CACNA2D3: variants seen among roughly 807,000 people sequenced by gnomAD.
CACNA2D3 encodes voltage-dependent calcium channel subunit alpha-2/delta-3.
A neutral mutation model predicts 160.6 loss-of-function variants in CACNA2D3; 60 were observed. That is an observed-to-expected ratio of 0.37 (90% CI 0.30 to 0.46). The LOEUF is 0.46. Ranked by LOEUF, CACNA2D3 falls within the 20% of genes least tolerant of loss-of-function variation. The pLI, the probability that CACNA2D3 is intolerant of heterozygous loss-of-function variation, is 1.00. For missense variants in CACNA2D3, 1,205 were observed against 1,365.0 expected, an observed-to-expected ratio of 0.88 and a Z score of 1.85; for synonymous variants, 558 against 492.9, an observed-to-expected ratio of 1.13 and a Z score of -1.75.
intron 35 of CACNA2D3, among the ~76,000 whole-genome samples, chr3:55,025,634 CAAAAAA>C (rs10717273): frequency 0.026 from 1,665 of 63,474 alleles, 43 homozygotes; most frequent in African/African-American, 0.098. Context: ...ACTCTATCTC[CAAAAAA>C]AAAAAAAAAA....
chr3:54,893,809 A>G (rs1376860025), intron 25 of CACNA2D3, among the ~76,000 whole-genome samples: 2 of 152,024 alleles, frequency 1.3e-5, no homozygotes, highest in African/African-American at 4.8e-5. Flanking sequence ...CTTCAGTACG[A>G]CTTCTCACAT....
chr3:54,938,723 A>G (rs1479542286), intron 27 of CACNA2D3, among the ~76,000 whole-genome samples: 1 of 150,548 alleles, frequency 6.6e-6, no homozygotes, highest in Non-Finnish European at 1.5e-5. Context: ...TTTTATTTTT[A>G]AAAACGTCTT....
At chr3:54,514,722 G>A (rs1302867055) in intron 5 of CACNA2D3, among the ~76,000 whole-genome samples, 1 of 152,166 alleles carries the variant, frequency 6.6e-6, no homozygotes, top group Non-Finnish European at 1.5e-5. Flanking sequence ...AGGACACTTA[G>A]GCCCGCTGCC....
chr3:54,688,211 T>A (rs1436751009), intron 11 of CACNA2D3, among the ~76,000 whole-genome samples: 2 of 152,228 alleles, frequency 1.3e-5, no homozygotes, highest in African/African-American at 4.8e-5. Flanking sequence ...TTTCTTACTT[T>A]GTATTAATTG....
At chr3:54,155,142 A>G (rs1700223585) in intron 2 of CACNA2D3, among the ~76,000 whole-genome samples, 1 of 152,174 alleles carries the variant, frequency 6.6e-6, no homozygotes, top group Non-Finnish European at 1.5e-5. Context: ...AACATTGGAA[A>G]AGTGGTTATA....
At position 55,033,820 on chromosome 3, in the gene CACNA2D3, A is replaced by ATATATTTAATATATAATATATATTAC. The variant is rs1703745559; in HGVS notation, c.2987+15503_2987+15504insTATATTTAATATATAATATATATTAC. On this transcript the variant is annotated intron_variant, in intron 35 of 37. Coordinates refer to ENST00000474759, the MANE Select transcript of CACNA2D3 (RefSeq NM_018398.3). ...TTTATATAATATGTATTATATATTA[A>ATATATTTAATATATAATATATATTAC]ATATATTTAATATATAATATATATT... Among the ~76,000 whole-genome samples the ATATATTTAATATATAATATATATTAC allele has an allele frequency of 2.9e-5, 3 of 102,384 alleles. 1 individual carries two copies. The South Asian group carries it at 8.1e-4, about 28-fold the overall frequency. The allele number at this position is 102,384 out of a possible 152,430, so 67.2% of individuals were successfully genotyped here. A position where few individuals can be genotyped will look rare whatever the true frequency, so the allele number is the denominator to read the frequency against.
At chr3:54,748,146 A>G (rs1339003494) in intron 11 of CACNA2D3, among the ~76,000 whole-genome samples, 1 of 152,128 alleles carries the variant, frequency 6.6e-6, no homozygotes, top group Non-Finnish European at 1.5e-5. Context: ...TTTCTTCATT[A>G]TTGAAGGGAG....
chr3:54,911,105 A>G (rs574361832), intron 27 of CACNA2D3, among the ~76,000 whole-genome samples: 13 of 152,312 alleles, frequency 8.5e-5, no homozygotes, highest in African/African-American at 3.1e-4. Context: ...TCATTCATAA[A>G]TACGTCAGCC....
At chr3:54,493,968 TACTC>T (rs1701157352) in intron 4 of CACNA2D3, among the ~76,000 whole-genome samples, 1 of 152,254 alleles carries the variant, frequency 6.6e-6, no homozygotes, top group African/African-American at 2.4e-5. Flanking sequence ...TTTAAATACT[TACTC>T]ATTGAACCAC....
rs540768895 is a variant in CACNA2D3, at chr3:55,004,851, C to G, written c.2766+13C>G. 1 of 1,596,402 alleles carries G rather than the reference C, an allele frequency of 6.3e-7. No homozygotes were observed. The highest frequency in any genetic ancestry group is 8.6e-7 in the Non-Finnish European group (1 of 1,164,282). ...TGGCCTCCTGGATGTAAGTACTATG[C>G]TGTCACTCAGAAAACAGCCACACAT... is the stretch of plus-strand genomic sequence containing the variant. On this transcript the variant is annotated intron_variant, in intron 32 of 37. Transcript: ENST00000474759.
intron 18 of CACNA2D3, among the ~76,000 whole-genome samples, chr3:54,878,176 G>A (rs910073260): frequency 2.0e-5 from 3 of 152,122 alleles, no homozygotes; most frequent in African/African-American, 7.2e-5. Context: ...CTCCTCAAAG[G>A]AGAAAAGAGG....
At chr3:54,209,233 G>A (rs764082932) in intron 2 of CACNA2D3, among the ~76,000 whole-genome samples, 13 of 152,174 alleles carry the variant, frequency 8.5e-5, no homozygotes, top group Non-Finnish European at 1.5e-4. Context: ...TTCAAGATAG[G>A]CATCGAAATA....
intron 4 of CACNA2D3, among the ~76,000 whole-genome samples, chr3:54,431,832 TC>T (rs1396441204): frequency 6.6e-6 from 1 of 152,136 alleles, no homozygotes; most frequent in Non-Finnish European, 1.5e-5. Context: ...GGTCTCGAAC[TC>T]CTGTCCTCAA....
chr3:54,629,086 G>A (rs1699180920), intron 10 of CACNA2D3, among the ~76,000 whole-genome samples: 1 of 152,024 alleles, frequency 6.6e-6, no homozygotes, highest in African/African-American at 2.4e-5. Context: ...GAGAGCTGTG[G>A]TTTGCAGGAA....
chr3:54,905,944 G>A (rs78139354), intron 27 of CACNA2D3, among the ~76,000 whole-genome samples: 16,919 of 152,078 alleles, frequency 0.11, 1,054 homozygotes, highest in African/African-American at 0.14. Flanking sequence ...TGCACCTACA[G>A]TGTTCCTAGC....
intron 13 of CACNA2D3, among the ~76,000 whole-genome samples, chr3:54,802,180 G>A (rs1355593643): frequency 6.6e-6 from 1 of 152,110 alleles, no homozygotes; most frequent in Non-Finnish European, 1.5e-5. Flanking sequence ...GCAACTGGGA[G>A]AGGTCACTCA....
At position 54,170,370 on chromosome 3, in the gene CACNA2D3, G is replaced by A. The variant is rs75009399; in HGVS notation, c.204+46776G>A. On this transcript the variant is annotated intron_variant, in intron 2 of 37. Coordinates refer to ENST00000474759, the MANE Select transcript of CACNA2D3 (RefSeq NM_018398.3). ...GACCCAATAGGAGCAGAAGTTTGTT[G>A]ATTCCCAGTACAAAATAAATTACTG... Among the ~76,000 whole-genome samples, 2,162 of 152,140 alleles carry A rather than the reference G, an allele frequency of 0.014. 124 individuals carry two copies. The East Asian group carries it at 0.21, about 14-fold the overall frequency.
chr3:54,308,248 T>C (rs1703653755), intron 2 of CACNA2D3, among the ~76,000 whole-genome samples: 2 of 152,240 alleles, frequency 1.3e-5, no homozygotes, highest in South Asian at 4.1e-4. Context: ...TTAAGCTGCT[T>C]CTTCCATAGT....
intron 13 of CACNA2D3, among the ~76,000 whole-genome samples, chr3:54,798,259 G>A (rs550578807): frequency 6.6e-6 from 1 of 152,200 alleles, no homozygotes; most frequent in African/African-American, 2.4e-5. Flanking sequence ...ACCAGGCTGG[G>A]CATGGTGGCC....
Sources: gnomAD v4.1 joint callset for allele counts (sites outside exome capture counted in the v4.1 genomes callset) on GRCh38, gnomAD v4.1.1 for gene constraint, MANE v1.5 for transcripts, NCBI Gene and HGNC (gene_info 2026-07-23, HGNC 2026-07-21) for gene names.